The following CFTR variants were observed in gnomAD, a reference collection of about 807,000 sequenced individuals.
The protein encoded by CFTR is CF transmembrane conductance regulator.
A neutral mutation model predicts 171.6 loss-of-function variants in CFTR; 181 were observed. That is an observed-to-expected ratio of 1.05 (90% CI 0.93 to 1.19). The LOEUF is 1.19. Among genes scored for constraint, CFTR ranks in the 50% most tolerant of loss-of-function variants. The pLI is 0.00. For synonymous variants in CFTR, 583 were observed against 608.0 expected, an observed-to-expected ratio of 0.96 and a Z score of 0.60; for missense variants, 1,968 against 1,734.7, an observed-to-expected ratio of 1.13 and a Z score of -2.39.
intron 1 of CFTR, among the ~76,000 whole-genome samples, chr7:117,500,378 C>T (rs1443302078): frequency 1.3e-5 from 2 of 151,024 alleles, no homozygotes; most frequent in Non-Finnish European, 2.9e-5. Flanking sequence ...CCTCCGCCTC[C>T]CAGGTTCAAG....
chr7:117,509,600 A>G (rs1436025632), intron 3 of CFTR, among the ~76,000 whole-genome samples: 2 of 152,196 alleles, frequency 1.3e-5, no homozygotes, highest in Non-Finnish European at 1.5e-5. Context: ...CTAAAAATTT[A>G]AAGTATAGCA....
At position 117,652,893 on chromosome 7, in the gene CFTR, C is replaced by T. The variant is rs193922732; in HGVS notation, c.3925C>T (p.Gln1309Ter). 1 of 1,605,780 alleles carries T rather than the reference C, an allele frequency of 6.2e-7. No homozygotes were observed. The highest frequency in any genetic ancestry group is 8.5e-7 in the Non-Finnish European group (1 of 1,173,486). ...TAGAAAAAACTTGGATCCCTATGAA[C>T]AGTGGAGTGATCAAGAAATATGGAA... ...TFRKNLDPYE[Q>*]WSDQEIWKVA... Residue 1309 changes from glutamine to a stop codon, truncating the protein, a stop_gained, in exon 24 of 27, where the codon CAG (glutamine) becomes TAG (stop). Coordinates refer to ENST00000003084, the MANE Select transcript of CFTR (RefSeq NM_000492.4). LOFTEE classifies it high-confidence loss of function.
At chr7:117,543,665 G>A (rs1281236325) in intron 9 of CFTR, among the ~76,000 whole-genome samples, 1 of 152,156 alleles carries the variant, frequency 6.6e-6, no homozygotes. Flanking sequence ...GACTGAAAAT[G>A]GATTTTAGTC....
At chr7:117,536,454 G>T in intron 6 of CFTR, 94 bp from the exon 7 acceptor site, 2 of 1,252,266 alleles carry the variant, frequency 1.6e-6, no homozygotes, top group South Asian at 2.6e-5. Context: ...TTGAATAAAA[G>T]AAATATGACT....
At position 117,509,118 on chromosome 7, in the gene CFTR, C is replaced by G. The variant is rs780975618; in HGVS notation, c.249C>G (p.Phe83Leu). Residue 83 changes from phenylalanine (F) to leucine (L), a missense_variant, in exon 3 of 27, where the codon TTC (phenylalanine) becomes TTG (leucine). Transcript: ENST00000003084. ...LRRCFFWRFM[F>L]YGIFLYLGEV... ...GATGTTTTTTCTGGAGATTTATGTT[C>G]TATGGAATCTTTTTATATTTAGGGG... 1 of 1,599,928 alleles carries G rather than the reference C, an allele frequency of 6.3e-7. No homozygotes were observed. Among genetic ancestry groups the G allele is most frequent in the Non-Finnish European group, 8.6e-7 (1 of 1,167,316 alleles).
chr7:117,655,717 T>C (rs1301463110), intron 24 of CFTR, among the ~76,000 whole-genome samples: 2 of 152,182 alleles, frequency 1.3e-5, no homozygotes, highest in Non-Finnish European at 2.9e-5. Flanking sequence ...TATTCTGTCT[T>C]AGTCCATTGG....
At chr7:117,493,384 A>G (rs1798191747) in intron 1 of CFTR, among the ~76,000 whole-genome samples, 1 of 152,112 alleles carries the variant, frequency 6.6e-6, no homozygotes, top group Non-Finnish European at 1.5e-5. Context: ...AATATTAAGT[A>G]AAAGGGATTT....
intron 24 of CFTR, among the ~76,000 whole-genome samples, chr7:117,660,898 C>G (rs1793268541): frequency 6.6e-6 from 1 of 152,000 alleles, no homozygotes; most frequent in Non-Finnish European, 1.5e-5. Flanking sequence ...TAAGGCAGAG[C>G]CTCCTGTTAC....
chr7:117,532,123 C>T (rs978390296), intron 4 of CFTR, among the ~76,000 whole-genome samples: 2 of 151,444 alleles, frequency 1.3e-5, no homozygotes, highest in Non-Finnish European at 2.9e-5. Flanking sequence ...ATCACCTCAG[C>T]TACAATCTCA....
chr7:117,573,512 T>C (rs1791726385), intron 11 of CFTR, among the ~76,000 whole-genome samples: 9 of 152,096 alleles, frequency 5.9e-5, no homozygotes, highest in Admixed American at 5.9e-4. Flanking sequence ...CACATAGTAA[T>C]CACAGGTCAA....
chr7:117,482,137 G>A (rs1798008677), intron 1 of CFTR, among the ~76,000 whole-genome samples: 2 of 152,130 alleles, frequency 1.3e-5, no homozygotes, highest in African/African-American at 2.4e-5. Flanking sequence ...TATGCAATGA[G>A]TGGGCCTGTA....
rs1792245381 is a variant in CFTR, at chr7:117,602,807, G to A, written c.2620-19G>A. The A allele has an allele frequency of 1.2e-6, 2 of 1,612,774 alleles. No individual in the cohort carries two copies. Among genetic ancestry groups the A allele is most frequent in the African/African-American group, 2.7e-5 (2 of 74,892 alleles). On this transcript the variant is annotated intron_variant, in intron 15 of 26. Coordinates refer to ENST00000003084, the MANE Select transcript of CFTR (RefSeq NM_000492.4). ...GAAGATGTTAGAAAAAAAATCAACT[G>A]TGTCTTGTTCCATTCCAGGTGGCTG...
chr7:117,597,825 A>AG (rs757786170), intron 15 of CFTR, among the ~76,000 whole-genome samples: 1 of 140,870 alleles, frequency 7.1e-6, no homozygotes, highest in Non-Finnish European at 1.5e-5. Flanking sequence ...AAAAAAAAAA[A>AG]GGGGCGGGGG....
chr7:117,556,254 G>T (rs968889343), intron 10 of CFTR, among the ~76,000 whole-genome samples: 33 of 151,810 alleles, frequency 2.2e-4, no homozygotes, highest in African/African-American at 6.5e-4. Flanking sequence ...TAGTAGAGAC[G>T]GGGTTTCACC....
chr7:117,573,064 C>G (rs1226950674), intron 11 of CFTR, among the ~76,000 whole-genome samples: 1 of 149,088 alleles, frequency 6.7e-6, no homozygotes, highest in Non-Finnish European at 1.5e-5. Flanking sequence ...CTCTTGCTCT[C>G]TCTCTCTCTT....
At chr7:117,618,629 T>C (rs989895834) in intron 21 of CFTR, among the ~76,000 whole-genome samples, 2 of 152,180 alleles carry the variant, frequency 1.3e-5, no homozygotes, top group Non-Finnish European at 2.9e-5. Context: ...TAAAACATAA[T>C]TATAGAATAT....
At chr7:117,501,776 C>CAAAAAAAAAAAAAAAAAAAAAAAA (rs796991857) in intron 1 of CFTR, among the ~76,000 whole-genome samples, 12 of 84,330 alleles carry the variant, frequency 1.4e-4, no homozygotes, top group East Asian at 3.5e-4. Context: ...AAAAAAGAAA[C>CAAAAAAAAAAAAAAAAAAAAAAAA]AAAAAAAAAA....
chr7:117,535,340 C>G lies in CFTR; in HGVS notation c.672C>G (p.Phe224Leu), dbSNP rs746904991. Residue 224 changes from phenylalanine to leucine, a missense_variant, in exon 6 of 27, where the codon TTC (phenylalanine) becomes TTG (leucine). Transcript: ENST00000003084. ...LIWELLQASA[F>L]CGLGFLIVLA... ...GGGAGTTGTTACAGGCGTCTGCCTT[C>G]TGTGGACTTGGTTTCCTGATAGTCC... 1 of 1,614,106 alleles carries G rather than the reference C, an allele frequency of 6.2e-7. No homozygotes were observed. The highest frequency in any genetic ancestry group is 1.1e-5 in the South Asian group (1 of 91,076).
chr7:117,553,815 T>C (rs1442022429), intron 10 of CFTR, among the ~76,000 whole-genome samples: 2 of 152,100 alleles, frequency 1.3e-5, no homozygotes, highest in East Asian at 3.9e-4. Flanking sequence ...CCTTTAAACA[T>C]TGAAAGGTAA....
Sources: gnomAD v4.1 joint callset for allele counts (sites outside exome capture counted in the v4.1 genomes callset) on GRCh38, gnomAD v4.1.1 for gene constraint, MANE v1.5 for transcripts, NCBI Gene and HGNC (gene_info 2026-07-23, HGNC 2026-07-21) for gene names.